Variants in NWD1 observed in about 807,000 individuals in gnomAD.
NWD1 encodes the protein NACHT domain- and WD repeat-containing protein 1.
NWD1 carries 129 observed loss-of-function variants against 135.1 expected under a neutral mutation model. The ratio of observed to expected loss-of-function variants is 0.96; its 90% CI spans 0.83 to 1.11. NWD1 has a LOEUF of 1.11. Ranked by LOEUF, NWD1 falls within the 50% of genes least tolerant of loss-of-function variation. The probability of loss-of-function intolerance (pLI) is 0.00; values close to 1 mark genes in which losing one functional copy is unlikely to be tolerated. For missense variants in NWD1, 1,740 were observed against 1,851.3 expected, an observed-to-expected ratio of 0.94 and a Z score of 1.10; for synonymous variants, 773 against 786.0, an observed-to-expected ratio of 0.98 and a Z score of 0.28.
intron 6 of NWD1, among the ~76,000 whole-genome samples, chr19:16,756,024 A>G (rs796636657): frequency 5.3e-5 from 8 of 152,276 alleles, no homozygotes; most frequent in African/African-American, 1.9e-4. Flanking sequence ...TGTATTTCAT[A>G]TGTTCTATGT....
At chr19:16,780,725 T>C (rs1013095191) in intron 12 of NWD1, among the ~76,000 whole-genome samples, 2 of 152,042 alleles carry the variant, frequency 1.3e-5, no homozygotes, top group African/African-American at 4.8e-5. Context: ...TGGCACAATC[T>C]CAGCTCACTG....
chr19:16,800,272 G>A (rs777161938), intron 17 of NWD1, 110 bp downstream of exon 17: 197 of 1,133,988 alleles, frequency 1.7e-4, no homozygotes, highest in Non-Finnish European at 1.6e-4. Flanking sequence ...CATGGCTCAC[G>A]CCTGTAATCC....
intron 14 of NWD1, among the ~76,000 whole-genome samples, chr19:16,792,640 C>G (rs964043773): frequency 6.6e-6 from 1 of 151,832 alleles, no homozygotes; most frequent in African/African-American, 2.4e-5. Context: ...CAAGATTGCA[C>G]CACTGCACTC....
chr19:16,751,182 C>T (rs1968562304), intron 6 of NWD1, among the ~76,000 whole-genome samples: 1 of 150,204 alleles, frequency 6.7e-6, no homozygotes, highest in Admixed American at 6.7e-5. Context: ...CGAGATCACG[C>T]CATTGCACTC....
intron 7 of NWD1, among the ~76,000 whole-genome samples, chr19:16,761,771 G>A (rs1405399897): frequency 6.6e-6 from 1 of 151,838 alleles, no homozygotes; most frequent in East Asian, 1.9e-4. Context: ...GTTCCTCTTT[G>A]AAATGTATGT....
chr19:16,795,900 C>A (rs1235958480), intron 15 of NWD1, among the ~76,000 whole-genome samples: 1 of 152,136 alleles, frequency 6.6e-6, no homozygotes, highest in African/African-American at 2.4e-5. Flanking sequence ...TCACAGCCTT[C>A]CTGGGTACCT....
intron 18 of NWD1, among the ~76,000 whole-genome samples, chr19:16,812,216 G>A (rs953316635): frequency 8.6e-5 from 13 of 151,710 alleles, no homozygotes; most frequent in Admixed American, 5.3e-4. Flanking sequence ...GTTGAGGCAG[G>A]AGGATAGCTT....
chr19:16,797,228 C>A (rs549487570), intron 15 of NWD1, among the ~76,000 whole-genome samples: 2 of 151,872 alleles, frequency 1.3e-5, no homozygotes, highest in African/African-American at 2.4e-5. Context: ...GGCCCTCCCC[C>A]AACCAGCTGT....
At chr19:16,743,971 C>T (rs1162684294) in intron 4 of NWD1, among the ~76,000 whole-genome samples, 1 of 152,134 alleles carries the variant, frequency 6.6e-6, no homozygotes, top group Non-Finnish European at 1.5e-5. Context: ...GTGTGAGCCA[C>T]CGCGCCTGGC....
Position 16,809,703 on chromosome 19 carries a change from C to T in NWD1, c.4287+1567C>T, listed in dbSNP as rs181991500. On this transcript the variant is annotated intron_variant, in intron 18 of 18. Transcript: ENST00000524140. The stretch of plus-strand genomic sequence containing the variant: ...CCGAGTAGCTGGGACTACAGGTGCC[C>T]GCCACCACGCCTGGCTAATTTTTTT... Among the ~76,000 whole-genome samples the T allele has an allele frequency of 3.8e-3, 579 of 151,780 alleles. 4 individuals are homozygous for T. Among genetic ancestry groups the T allele is most frequent in the African/African-American group, 0.013 (520 of 41,428 alleles).
chr19:16,780,119 C>T (rs906020450), intron 12 of NWD1, among the ~76,000 whole-genome samples: 9 of 151,472 alleles, frequency 5.9e-5, no homozygotes, highest in Admixed American at 4.0e-4. Context: ...CATCATTCAG[C>T]GTCCTTCAGG....
intron 3 of NWD1, among the ~76,000 whole-genome samples, chr19:16,732,295 A>C (rs973190527): frequency 6.6e-6 from 1 of 151,830 alleles, no homozygotes; most frequent in African/African-American, 2.4e-5. Flanking sequence ...GGTGGTGTAG[A>C]AAAGTGAGTA....
At position 16,798,950 on chromosome 19, in the gene NWD1, A is replaced by AC. The variant is rs201567758; in HGVS notation, c.3460-936_3460-935insC. Among the ~76,000 whole-genome samples the AC allele has an allele frequency of 9.0e-3, 1,369 of 151,708 alleles. 30 individuals carry two copies. Among genetic ancestry groups the AC allele is most frequent in the African/African-American group, 0.032 (1,312 of 41,264 alleles). On this transcript the variant is annotated intron_variant, in intron 16 of 18. Transcript: ENST00000524140. ...TAGAATAAAATAATTAAAAAAAAAA[A>AC]AACATTAAAAGTTTTGAGCTTCCAG... is the stretch of plus-strand genomic sequence containing the variant.
intron 11 of NWD1, among the ~76,000 whole-genome samples, chr19:16,776,333 G>A (rs968053395): frequency 2.0e-5 from 3 of 152,072 alleles, no homozygotes; most frequent in African/African-American, 7.2e-5. Flanking sequence ...GCTTTGGGAG[G>A]TTGAGGCAGG....
chr19:16,730,678 C>T (rs985620200), intron 2 of NWD1, among the ~76,000 whole-genome samples: 1 of 149,738 alleles, frequency 6.7e-6, no homozygotes, highest in African/African-American at 2.6e-5. Context: ...GATTGCACCA[C>T]TGCCCTCCAG....
At chr19:16,792,856 G>A (rs1280099949) in intron 14 of NWD1, among the ~76,000 whole-genome samples, 3 of 136,788 alleles carry the variant, frequency 2.2e-5, no homozygotes, top group African/African-American at 8.5e-5. Context: ...CAGCCTGGGT[G>A]ACAGATCAAA....
intron 18 of NWD1, among the ~76,000 whole-genome samples, chr19:16,809,139 G>T (rs1293183243): frequency 2.6e-5 from 4 of 151,768 alleles, no homozygotes; most frequent in Non-Finnish European, 5.9e-5. Context: ...ACCCAGGCTG[G>T]AATGCAGTGG....
chr19:16,726,870 T>C (rs1418895294), intron 2 of NWD1, among the ~76,000 whole-genome samples: 1 of 152,202 alleles, frequency 6.6e-6, no homozygotes, highest in Non-Finnish European at 1.5e-5. Context: ...AGTAGCATCC[T>C]CCAGTCGTGG....
rs1969111511 is a variant in NWD1, at chr19:16,763,840, C to G, written c.2146C>G (p.Pro716Ala). Residue 716 changes from proline (P) to alanine (A), a missense_variant, in exon 9 of 19, where the codon CCT becomes GCT. Transcript: ENST00000524140. ...LNLDRKVAPQ[P>A]LWFSHTVANL... ...TCTCCTCTGCCAGGTGGCCCCGCAG[C>G]CTCTGTGGTTCTCACATACGGTTGC... 3 of 1,612,950 alleles carry G rather than the reference C, an allele frequency of 1.9e-6. No homozygotes were observed. Among genetic ancestry groups the G allele is most frequent in the Admixed American group, 3.3e-5 (2 of 59,978 alleles).
Sources: allele counts gnomAD v4.1 joint callset (sites outside exome capture counted in the v4.1 genomes callset), GRCh38; gene constraint gnomAD v4.1.1; transcripts MANE v1.5; gene names NCBI Gene and HGNC (gene_info 2026-07-23, HGNC 2026-07-21).